The following LAMA4 variants were observed in gnomAD, a reference collection of about 807,000 sequenced individuals.
LAMA4 encodes the protein laminin subunit alpha-4.
In LAMA4, 127 loss-of-function variants were observed where a neutral mutation model predicts 207.1. The ratio of observed to expected loss-of-function variants is 0.61; its 90% CI spans 0.53 to 0.71. LAMA4 has a LOEUF of 0.71. LAMA4 is among the 30% of genes least tolerant of loss of function. The probability of loss-of-function intolerance (pLI) is 0.00; values close to 1 mark genes in which losing one functional copy is unlikely to be tolerated. For missense variants in LAMA4, 2,093 were observed against 2,246.5 expected, an observed-to-expected ratio of 0.93 and a Z score of 1.38; for synonymous variants, 761 against 816.0, an observed-to-expected ratio of 0.93 and a Z score of 1.15.
chr6:112,204,396 G>C (rs1554353463), intron 4 of LAMA4, among the ~76,000 whole-genome samples: 1 of 152,044 alleles, frequency 6.6e-6, no homozygotes, highest in African/African-American at 2.4e-5. Flanking sequence ...CATGCAAATG[G>C]GGTGAAAAGT....
intron 2 of LAMA4, among the ~76,000 whole-genome samples, chr6:112,245,251 C>T (rs1041756040): frequency 2.6e-5 from 4 of 152,216 alleles, no homozygotes; most frequent in African/African-American, 9.7e-5. Flanking sequence ...GAAGAAGAGG[C>T]TTGCCAGGGT....
At chr6:112,185,469 G>T in intron 8 of LAMA4, 122 bp from the exon 9 acceptor site, 2 of 689,942 alleles carry the variant, frequency 2.9e-6, no homozygotes, top group South Asian at 1.7e-5. Flanking sequence ...TCAAAATAGT[G>T]GGGTCCGCAG....
rs368833887 is a variant in LAMA4, at chr6:112,139,901, A to T, written c.2977-16T>A. 341 of 1,613,718 alleles carry T rather than the reference A, an allele frequency of 2.1e-4. No homozygotes were observed. The highest frequency in any genetic ancestry group is 2.7e-4 in the Non-Finnish European group (322 of 1,179,750). On this transcript the variant is annotated splice_polypyrimidine_tract_variant and intron_variant, in intron 22 of 38. Transcript: ENST00000230538. ...TGGTAGGGAGCTATGCAATAGAAAA[A>T]GTAAAACCACTTGTCTCATGGTCAT...
chr6:112,158,952 A>T, intron 13 of LAMA4, 72 bp from the exon 14 acceptor site: 1 of 1,029,162 alleles, frequency 9.7e-7, no homozygotes, highest in Non-Finnish European at 1.5e-6. Context: ...GCACCAAAAG[A>T]TAATCTCTGT....
Position 112,248,807 on chromosome 6 carries a change from G to GA in LAMA4, c.195+5148dup, listed in dbSNP as rs563857589. ...AATAGGATAAGGAGACTCTATAGTTGAAAAAAAAAGTGCTCTATCAGGAAG... is the reference window on the plus strand; with the variant it reads ...AATAGGATAAGGAGACTCTATAGTTGAAAAAAAAAAGTGCTCTATCAGGAAG... On this transcript the variant is annotated intron_variant, in intron 2 of 38. Coordinates refer to ENST00000230538, the MANE Select transcript of LAMA4 (RefSeq NM_001105206.3). 3.5e-3 allele frequency among the ~76,000 whole-genome samples: 526 copies of GA among 150,108 alleles called. 5 individuals are homozygous for GA. Among genetic ancestry groups the GA allele is most frequent in the Non-Finnish European group, 4.5e-3 (304 of 67,468 alleles).
chr6:112,227,407 C>T (rs991874034), intron 2 of LAMA4, among the ~76,000 whole-genome samples: 4 of 151,736 alleles, frequency 2.6e-5, no homozygotes, highest in East Asian at 1.9e-4. Context: ...AGGACATACA[C>T]GTTCTCATGA....
At chr6:112,123,496 A>G (rs1250537863) in intron 31 of LAMA4, among the ~76,000 whole-genome samples, 1 of 152,198 alleles carries the variant, frequency 6.6e-6, no homozygotes, top group Non-Finnish European at 1.5e-5. Flanking sequence ...TGGAAGATAT[A>G]AAGTAGATTG....
At chr6:112,136,416 G>A (rs1349574557) in intron 24 of LAMA4, among the ~76,000 whole-genome samples, 162 bp from the exon 25 acceptor site, 1 of 152,176 alleles carries the variant, frequency 6.6e-6, no homozygotes, top group African/African-American at 2.4e-5. Flanking sequence ...CAGTGTCTGG[G>A]AGTGGTGGCT....
At position 112,130,878 on chromosome 6, in the gene LAMA4, A is replaced by G. The variant is rs936766129; in HGVS notation, c.3968+90T>C. The G allele has an allele frequency of 5.0e-6, 7 of 1,391,126 alleles. No individual in the cohort carries two copies. In the Admixed American group the frequency reaches 6.7e-5, roughly 13 times the overall value. The allele number at this position is 1,391,126 out of a possible 1,614,324, so 86.2% of individuals were successfully genotyped here. On this transcript the variant is annotated intron_variant, in intron 29 of 38. Transcript: ENST00000230538. ...TTTTTGTTTTAACATTAGAAAAGTTATAGGACAGCCTATTATTCATAGTGG... is the reference window on the plus strand; with the variant it reads ...TTTTTGTTTTAACATTAGAAAAGTTGTAGGACAGCCTATTATTCATAGTGG...
intron 3 of LAMA4, among the ~76,000 whole-genome samples, chr6:112,215,795 T>C (rs1554358429): frequency 6.6e-6 from 1 of 152,228 alleles, no homozygotes; most frequent in Non-Finnish European, 1.5e-5. Context: ...GAACAGTCTA[T>C]TGGAGAATTC....
At chr6:112,154,685 T>C in intron 16 of LAMA4, 166 bp downstream of exon 16, 1 of 641,310 alleles carries the variant, frequency 1.6e-6, no homozygotes, top group Admixed American at 2.6e-5. Flanking sequence ...ATTTAAAGTA[T>C]CAAATCTTTG....
intron 13 of LAMA4, among the ~76,000 whole-genome samples, chr6:112,163,331 A>C (rs1274456811): frequency 1.3e-5 from 2 of 150,040 alleles, no homozygotes; most frequent in Non-Finnish European, 2.9e-5. Flanking sequence ...GGTTGTAAAA[A>C]AAAATTAAAA....
chr6:112,190,947 C>CTTTCCTTTCTTTCTTTCTTTCTTTCTTT (rs1491586717), intron 6 of LAMA4, among the ~76,000 whole-genome samples: 5 of 40,508 alleles, frequency 1.2e-4, no homozygotes, highest in East Asian at 7.0e-4. Context: ...TTCTTTCTTT[C>CTTTCCTTTCTTTCTTTCTTTCTTTCTTT]CTTTCTTTCT....
At chr6:112,192,988 C>T (rs1554349564) in intron 5 of LAMA4, among the ~76,000 whole-genome samples, 1 of 152,152 alleles carries the variant, frequency 6.6e-6, no homozygotes, top group Non-Finnish European at 1.5e-5. Context: ...TGATTCAAAC[C>T]TTGTAAGAGT....
Position 112,136,298 on chromosome 6 carries a change from G to C in LAMA4, c.3283-44C>G. 4 of 1,504,434 alleles carry C rather than the reference G, an allele frequency of 2.7e-6. No homozygotes were observed. In the South Asian group the frequency reaches 4.5e-5, roughly 17 times the overall value. The allele number at this position is 1,504,434 out of a possible 1,614,324, so 93.2% of individuals were successfully genotyped here. A position where few individuals can be genotyped will look rare whatever the true frequency, so the allele number is the denominator to read the frequency against. On this transcript the variant is annotated intron_variant, in intron 24 of 38. Coordinates refer to ENST00000230538, the MANE Select transcript of LAMA4 (RefSeq NM_001105206.3). The stretch of plus-strand genomic sequence containing the variant: ...TGTAAGATAGGAACATCTGTTATGC[G>C]AGTAGAGTCAGATTTAGCTGAATTT...
At chr6:112,128,456 T>C (rs1444010407) in intron 31 of LAMA4, among the ~76,000 whole-genome samples, 1 of 151,952 alleles carries the variant, frequency 6.6e-6, no homozygotes, top group Non-Finnish European at 1.5e-5. Context: ...TAGGCTGAGG[T>C]TGGTTAATGT....
chr6:112,235,844 A>C (rs542905192), intron 2 of LAMA4, among the ~76,000 whole-genome samples: 1 of 152,342 alleles, frequency 6.6e-6, no homozygotes, highest in Non-Finnish European at 1.5e-5. Context: ...TATGGGGCCA[A>C]GGCAAAAAAT....
chr6:112,142,641 A>C (rs1205864974), intron 19 of LAMA4, among the ~76,000 whole-genome samples: 1 of 152,186 alleles, frequency 6.6e-6, no homozygotes, highest in Non-Finnish European at 1.5e-5. Flanking sequence ...TTTATACAAA[A>C]CTAATTGTTT....
chr6:112,120,863 G>A (rs1473834347), intron 32 of LAMA4, among the ~76,000 whole-genome samples: 1 of 151,994 alleles, frequency 6.6e-6, no homozygotes, highest in African/African-American at 2.4e-5. Context: ...CTTGAGCCTG[G>A]GAGTTCAAGA....
Sources: allele counts gnomAD v4.1 joint callset (sites outside exome capture counted in the v4.1 genomes callset), GRCh38; gene constraint gnomAD v4.1.1; transcripts MANE v1.5; gene names NCBI Gene and HGNC (gene_info 2026-07-23, HGNC 2026-07-21).